The following MAPKBP1 variants were observed in gnomAD, a reference collection of about 807,000 sequenced individuals.
The protein encoded by MAPKBP1 is mitogen-activated protein kinase binding protein 1.
A neutral mutation model predicts 170.5 loss-of-function variants in MAPKBP1; 71 were observed. That is an observed-to-expected ratio of 0.42 (90% CI 0.34 to 0.51). MAPKBP1 has a LOEUF of 0.51. Among genes scored for constraint, MAPKBP1 ranks in the 20% least tolerant of loss-of-function variants. The probability of loss-of-function intolerance (pLI) is 0.06; values close to 1 mark genes in which losing one functional copy is unlikely to be tolerated. For missense variants in MAPKBP1, 1,598 were observed against 1,933.0 expected (o/e 0.83, Z 3.25); for synonymous variants, 719 against 757.9 (o/e 0.95, Z 0.84).
intron 2 of MAPKBP1, among the ~76,000 whole-genome samples, chr15:41,783,619 A>T (rs2064227556): frequency 6.6e-6 from 1 of 151,874 alleles, no homozygotes; most frequent in Admixed American, 6.6e-5. Flanking sequence ...GCTTCCCTGT[A>T]CTCCCTCAGT....
At chr15:41,809,124 T>C (rs2064758397) in intron 3 of MAPKBP1, among the ~76,000 whole-genome samples, 1 of 150,682 alleles carries the variant, frequency 6.6e-6, no homozygotes, top group South Asian at 2.1e-4. Flanking sequence ...GGCATGAGCC[T>C]GTAATCCCAG....
rs1011175561 is a variant in MAPKBP1 at position 41,827,776 on chromosome 15, G to T, written c.*2340G>T. On this transcript the variant is annotated 3_prime_UTR_variant, in exon 31 of 31. Coordinates refer to ENST00000457542, the MANE Select transcript of MAPKBP1 (RefSeq NM_014994.3). ...GGCGCTTCCTGCCTCATCCTCGGCT[G>T]CATGGGGCGGGGGCGCTGTTTTTAA... 8.4e-6 allele frequency: 2 copies of T among 237,586 alleles called. No individual in the cohort carries two copies. Among genetic ancestry groups the T allele is most frequent in the Non-Finnish European group, 1.6e-5 (2 of 123,500 alleles). 14.7% of individuals were successfully genotyped at this position (237,586 alleles called of 1,614,324 possible). A position where few individuals can be genotyped will look rare whatever the true frequency, so the allele number is the denominator to read the frequency against.
At chr15:41,779,065 A>G (rs1007115801) in intron 2 of MAPKBP1, among the ~76,000 whole-genome samples, 21 of 151,980 alleles carry the variant, frequency 1.4e-4, no homozygotes, top group South Asian at 2.1e-4. Context: ...TTTCCTGTAT[A>G]GTTGTGTGGT....
At position 41,775,796 on chromosome 15, in the gene MAPKBP1, G is replaced by A. The variant is rs573612773; in HGVS notation, c.114+407G>A. Among the ~76,000 whole-genome samples the A allele has an allele frequency of 4.9e-4, 75 of 152,376 alleles. 1 individual carries two copies. Among genetic ancestry groups the A allele is most frequent in the African/African-American group, 1.8e-3 (73 of 41,602 alleles). On this transcript the variant is annotated intron_variant, in intron 2 of 30. Coordinates refer to ENST00000457542, the MANE Select transcript of MAPKBP1 (RefSeq NM_014994.3). ...GTAACAGCTGGGGTTATGTAAGACT[G>A]TAGTGGCAGAAAGAAATATGCTAAA...
At chr15:41,805,923 C>T (rs1373927158) in intron 3 of MAPKBP1, among the ~76,000 whole-genome samples, 1 of 152,168 alleles carries the variant, frequency 6.6e-6, no homozygotes, top group African/African-American at 2.4e-5. Flanking sequence ...CCTTGAGCAT[C>T]AAGGAGTCCT....
intron 3 of MAPKBP1, among the ~76,000 whole-genome samples, chr15:41,809,390 CA>C (rs2152077357): frequency 6.6e-6 from 1 of 152,288 alleles, no homozygotes; most frequent in Non-Finnish European, 1.5e-5. Context: ...TCGGAGGTCC[CA>C]GTGTCCCCAA....
rs772275734 is a variant in MAPKBP1 at position 41,814,542 on chromosome 15, C to T, written c.981-8C>T. 7 of 1,613,496 alleles carry T rather than the reference C, an allele frequency of 4.3e-6. No individual in the cohort carries two copies. Among genetic ancestry groups the T allele is most frequent in the South Asian group, 2.2e-5 (2 of 91,016 alleles). On this transcript the variant is annotated splice_polypyrimidine_tract_variant and splice_region_variant and intron_variant, in intron 9 of 30. Transcript: ENST00000457542. ...GTCTGACCAGTGTGCCCTGTCCTCT[C>T]CCTACAGTCGCCTCTTCTCTGGAGT...
At chr15:41,814,101 A>G (rs751829797) in intron 9 of MAPKBP1, among the ~76,000 whole-genome samples, 7 of 152,196 alleles carry the variant, frequency 4.6e-5, no homozygotes, top group Non-Finnish European at 1.0e-4. Flanking sequence ...GGGCAATTCT[A>G]CAGTGGAACA....
At position 41,827,855 on chromosome 15, in the gene MAPKBP1, A is replaced by C. The variant is rs993236121; in HGVS notation, c.*2419A>C. On this transcript the variant is annotated 3_prime_UTR_variant, in exon 31 of 31. Coordinates refer to ENST00000457542, the MANE Select transcript of MAPKBP1 (RefSeq NM_014994.3). ...TGTCAATAAACACAATTGTTTGTTA[A>C]CCCTGGGATGCCGGCCAGTGGGGCA... 1 of 437,370 alleles carries C rather than the reference A, an allele frequency of 2.3e-6. No individual in the cohort carries two copies. The highest frequency in any genetic ancestry group is 4.5e-5 in the Admixed American group (1 of 22,230). 27.1% of individuals were successfully genotyped at this position (437,370 alleles called of 1,614,324 possible). A position where few individuals can be genotyped will look rare whatever the true frequency, so the allele number is the denominator to read the frequency against.
chr15:41,796,177 C>T (rs775435971), intron 2 of MAPKBP1, among the ~76,000 whole-genome samples: 12 of 152,102 alleles, frequency 7.9e-5, no homozygotes, highest in Non-Finnish European at 1.5e-4. Context: ...TTGCTAGCAC[C>T]GAATGTGGGA....
chr15:41,821,286 C>T, intron 23 of MAPKBP1: 1 of 621,844 alleles, frequency 1.6e-6, no homozygotes, highest in Non-Finnish European at 2.8e-6. Flanking sequence ...CAAAAGTGGC[C>T]TTTGCCCTGG....
intron 8 of MAPKBP1, 198 bp from the exon 9 acceptor site, chr15:41,813,423 C>G (rs1044805344): frequency 6.8e-6 from 10 of 1,478,412 alleles, no homozygotes; most frequent in South Asian, 2.3e-5. Context: ...ACTGGATCCT[C>G]TGGTGCCTAG....
At chr15:41,786,775 A>AAAAAAAAAAAAAAT (rs2064301028) in intron 2 of MAPKBP1, among the ~76,000 whole-genome samples, 1 of 12,448 alleles carries the variant, frequency 8.0e-5, no homozygotes, top group African/African-American at 2.3e-4. Context: ...AAAAAAAAAA[A>AAAAAAAAAAAAAAT]AAATATATAT....
At chr15:41,812,711 A>C (rs2064825143) in intron 7 of MAPKBP1, 58 bp downstream of exon 7, 1 of 1,530,482 alleles carries the variant, frequency 6.5e-7, no homozygotes, top group Non-Finnish European at 8.7e-7. Context: ...TGCCCAGCCC[A>C]ACCCAGGAGA....
intron 5 of MAPKBP1, chr15:41,811,465 G>A: frequency 2.9e-6 from 2 of 697,310 alleles, no homozygotes; most frequent in Admixed American, 2.0e-5. Context: ...TTCTGATTCT[G>A]TAGGTCTGGG....
intron 8 of MAPKBP1, 194 bp downstream of exon 8, chr15:41,813,295 T>C (rs771769838): frequency 5.2e-6 from 8 of 1,529,318 alleles, no homozygotes; most frequent in East Asian, 2.2e-5. Flanking sequence ...CTCTGCTCTT[T>C]CTGTCTCTTT....
Position 41,817,802 on chromosome 15 carries a change from C to T in MAPKBP1, c.1904+67C>T. On this transcript the variant is annotated intron_variant, in intron 16 of 30. Coordinates refer to ENST00000457542, the MANE Select transcript of MAPKBP1 (RefSeq NM_014994.3). The surrounding 1 kb of genome is among the most constrained non-coding windows in gnomAD (Gnocchi z 4.2). ...TCCCTACGGGGTCAGCTCTGTGCAG[C>T]TAAGTTCCCACATCTGTCGTTCTGT... 1 of 1,593,416 alleles carries T rather than the reference C, an allele frequency of 6.3e-7. No homozygotes were observed. The highest frequency in any genetic ancestry group is 8.6e-7 in the Non-Finnish European group (1 of 1,169,080).
At chr15:41,786,093 T>G (rs1226457587) in intron 2 of MAPKBP1, among the ~76,000 whole-genome samples, 1 of 152,184 alleles carries the variant, frequency 6.6e-6, no homozygotes. Flanking sequence ...GTATACAAGA[T>G]ATCTTGAATG....
At chr15:41,819,557 G>GGGGGGGGGGGGGGGGGCCCCCCCCCC in intron 21 of MAPKBP1, 38 bp from the exon 22 acceptor site, 1 of 1,384,690 alleles carries the variant, frequency 7.2e-7, no homozygotes, top group South Asian at 1.2e-5. Context: ...CGGGGGGGGG[G>GGGGGGGGGGGGGGGGGCCCCCCCCCC]CAGGAGACAC....
Sources: gnomAD v4.1 joint callset for allele counts (sites outside exome capture counted in the v4.1 genomes callset) on GRCh38, gnomAD v4.1.1 for gene constraint, Gnocchi (gnomAD v3.1) non-coding constraint, MANE v1.5 for transcripts, NCBI Gene and HGNC (gene_info 2026-07-23, HGNC 2026-07-21) for gene names.